IPP: variants seen among roughly 807,000 people sequenced by gnomAD.
The protein encoded by IPP is actin-binding protein IPP.
A neutral mutation model predicts 64.1 loss-of-function variants in IPP; 41 were observed. The ratio of observed to expected loss-of-function variants is 0.64; its 90% CI spans 0.50 to 0.83. The LOEUF (loss-of-function observed/expected upper bound fraction) is 0.83. Among genes scored for constraint, IPP ranks in the 40% least tolerant of loss-of-function variants. The probability of loss-of-function intolerance (pLI) is 0.00; values close to 1 mark genes in which losing one functional copy is unlikely to be tolerated. For synonymous variants in IPP, 214 were observed against 235.2 expected, an observed-to-expected ratio of 0.91 and a Z score of 0.83; for missense variants, 649 against 703.0, an observed-to-expected ratio of 0.92 and a Z score of 0.87.
At chr1:45,703,838 C>T (rs769697383) in intron 8 of IPP, among the ~76,000 whole-genome samples, 3 of 152,180 alleles carry the variant, frequency 2.0e-5, no homozygotes, top group African/African-American at 4.8e-5. Context: ...ATTTATTTCT[C>T]GTATTCCTCA....
At chr1:45,735,157 C>T (rs1309736411) in intron 3 of IPP, among the ~76,000 whole-genome samples, 1 of 152,024 alleles carries the variant, frequency 6.6e-6, no homozygotes, top group Admixed American at 6.6e-5. Context: ...GATCTCAGCT[C>T]ACTGTAACCT....
At chr1:45,726,318 C>T (rs1645827166) in intron 5 of IPP, among the ~76,000 whole-genome samples, 2 of 151,808 alleles carry the variant, frequency 1.3e-5, no homozygotes, top group Non-Finnish European at 2.9e-5. Flanking sequence ...ATTAGCCGGG[C>T]GTGGTGGTAC....
chr1:45,745,651 G>A (rs1235944411), intron 2 of IPP, among the ~76,000 whole-genome samples: 3 of 151,646 alleles, frequency 2.0e-5, no homozygotes, highest in African/African-American at 4.8e-5. Context: ...GAGGTCAGGA[G>A]ATCGAGACAA....
intron 3 of IPP, among the ~76,000 whole-genome samples, chr1:45,736,699 T>C (rs1021607995): frequency 1.3e-5 from 2 of 152,110 alleles, no homozygotes; most frequent in Admixed American, 6.6e-5. Flanking sequence ...GGACTTGAAT[T>C]AGACACTCTC....
At chr1:45,706,443 A>T (rs544038479) in intron 8 of IPP, among the ~76,000 whole-genome samples, 2 of 152,058 alleles carry the variant, frequency 1.3e-5, no homozygotes, top group South Asian at 4.2e-4. Flanking sequence ...TCTGAAAAAA[A>T]TTTTTTAATA....
chr1:45,711,352 C>CA (rs1338164417), intron 8 of IPP, among the ~76,000 whole-genome samples: 18 of 151,220 alleles, frequency 1.2e-4, no homozygotes, highest in Admixed American at 2.0e-4. Context: ...AAACAAAAAA[C>CA]AAAAAAAACC....
At chr1:45,735,041 A>G (rs1645959040) in intron 3 of IPP, among the ~76,000 whole-genome samples, 1 of 151,818 alleles carries the variant, frequency 6.6e-6, no homozygotes. Flanking sequence ...TGGCCTCCCA[A>G]AGTGCTGGGA....
intron 2 of IPP, among the ~76,000 whole-genome samples, chr1:45,745,584 C>A (rs774620618): frequency 3.3e-5 from 5 of 151,978 alleles, no homozygotes; most frequent in Non-Finnish European, 5.9e-5. Flanking sequence ...ACAGGCCAGG[C>A]GCAGTGGCTC....
At chr1:45,703,418 G>A (rs1016124839) in intron 8 of IPP, among the ~76,000 whole-genome samples, 2 of 424 alleles carry the variant, frequency 4.7e-3, no homozygotes, top group African/African-American at 0.021. Context: ...CTAACCATAA[G>A]TGACATTAAA....
intron 8 of IPP, among the ~76,000 whole-genome samples, chr1:45,701,755 A>C (rs1451264164): frequency 1.3e-5 from 2 of 152,202 alleles, no homozygotes; most frequent in Non-Finnish European, 2.9e-5. Context: ...TTTAATCATA[A>C]ATAGTGAAGA....
At chr1:45,708,510 C>T (rs1399321569) in intron 8 of IPP, among the ~76,000 whole-genome samples, 2 of 148,988 alleles carry the variant, frequency 1.3e-5, no homozygotes, top group Admixed American at 1.3e-4. Flanking sequence ...GAAACCCCGT[C>T]TTTAGGAATA....
intron 3 of IPP, among the ~76,000 whole-genome samples, chr1:45,734,702 C>T (rs1645953619): frequency 6.6e-6 from 1 of 151,480 alleles, no homozygotes; most frequent in African/African-American, 2.4e-5. Flanking sequence ...TCACTGCAAC[C>T]TCTGCCTCCT....
rs564113733 is a variant in IPP at position 45,734,772 on chromosome 1, AC to A, written c.725-5004del. 1.6e-3 allele frequency among the ~76,000 whole-genome samples: 248 copies of A among 151,562 alleles called. 1 individual carries two copies. The highest frequency in any genetic ancestry group is 5.7e-3 in the African/African-American group (234 of 41,318). The stretch of plus-strand genomic sequence containing the variant: ...GTGGCTGGGAATACAGACATGCACC[AC>A]CACACCTGGCTATTTTTTTTTCTTT... On this transcript the variant is annotated intron_variant, in intron 3 of 8. Coordinates refer to ENST00000396478, the MANE Select transcript of IPP (RefSeq NM_005897.3).
chr1:45,712,298 TA>T (rs71058702), intron 8 of IPP, among the ~76,000 whole-genome samples: 121 of 131,304 alleles, frequency 9.2e-4, no homozygotes, highest in African/African-American at 8.2e-4. Flanking sequence ...AGACGACGTC[TA>T]AAAAAAAAAA....
At chr1:45,731,165 G>A (rs891031888) in intron 3 of IPP, among the ~76,000 whole-genome samples, 1 of 152,380 alleles carries the variant, frequency 6.6e-6, no homozygotes, top group East Asian at 1.9e-4. Flanking sequence ...GCAAGGGCCA[G>A]CACAGTGCCT....
At position 45,746,091 on chromosome 1, in the gene IPP, A is replaced by C. The variant is rs1646128974; in HGVS notation, c.292+29T>G. 6 of 1,568,148 alleles carry C rather than the reference A, an allele frequency of 3.8e-6. No individual in the cohort carries two copies. The East Asian group carries it at 1.4e-4, about 35-fold the overall frequency. Reference sequence around the variant, plus strand: ...TGCATGAGTGATTGAATCATTCTTCAGTCAAAGCAACAGACTCATGTAACA... The same window carrying C: ...TGCATGAGTGATTGAATCATTCTTCCGTCAAAGCAACAGACTCATGTAACA... On this transcript the variant is annotated intron_variant, in intron 2 of 8. Coordinates refer to ENST00000396478, the MANE Select transcript of IPP (RefSeq NM_005897.3).
At chr1:45,709,003 C>T (rs1247818199) in intron 8 of IPP, among the ~76,000 whole-genome samples, 3 of 121,034 alleles carry the variant, frequency 2.5e-5, no homozygotes, top group African/African-American at 9.9e-5. Context: ...CGCTGCACTC[C>T]AGCCTGGGCA....
At chr1:45,730,090 G>A (rs1645886931) in intron 3 of IPP, among the ~76,000 whole-genome samples, 2 of 152,184 alleles carry the variant, frequency 1.3e-5, no homozygotes, top group African/African-American at 4.8e-5. Flanking sequence ...GCTCACGCAT[G>A]TAATCCCAGT....
At chr1:45,738,850 A>AAAAAAAAAAAAC (rs1646017300) in intron 3 of IPP, among the ~76,000 whole-genome samples, 5 of 139,194 alleles carry the variant, frequency 3.6e-5, no homozygotes, top group African/African-American at 5.4e-5. Context: ...AAAAAAAAAA[A>AAAAAAAAAAAAC]AAAAAAAAAA....
Sources: gnomAD v4.1 joint callset for allele counts (sites outside exome capture counted in the v4.1 genomes callset) on GRCh38, gnomAD v4.1.1 for gene constraint, MANE v1.5 for transcripts, NCBI Gene and HGNC (gene_info 2026-07-23, HGNC 2026-07-21) for gene names.